Variants in MOB3B observed in about 807,000 individuals in gnomAD.
MOB3B encodes the protein MOB kinase activator 3B.
MOB3B carries 7 observed loss-of-function variants against 18.7 expected under a neutral mutation model. That is an observed-to-expected ratio of 0.37 (90% CI 0.21 to 0.70). MOB3B has a LOEUF of 0.70. Ranked by LOEUF, MOB3B falls within the 30% of genes least tolerant of loss-of-function variation. The probability of loss-of-function intolerance (pLI) is 0.52; values close to 1 mark genes in which losing one functional copy is unlikely to be tolerated. For missense variants in MOB3B, 253 were observed against 281.3 expected (o/e 0.90, Z 0.72); for synonymous variants, 111 against 99.9 (o/e 1.11, Z -0.66).
intron 2 of MOB3B, among the ~76,000 whole-genome samples, chr9:27,379,413 T>C (rs910173382): frequency 6.6e-6 from 1 of 152,094 alleles, no homozygotes; most frequent in African/African-American, 2.4e-5. Context: ...TATTCGATAA[T>C]TACTGAGGGT....
chr9:27,329,747 G>A lies in MOB3B; in HGVS notation c.*840C>T, dbSNP rs1248729873. ...CCCGCTGATCATTCTTAGTTATTTA[G>A]GACTTTTATTTCTCTCTTCTGGGAA... On this transcript the variant is annotated 3_prime_UTR_variant, in exon 4 of 4. Transcript: ENST00000262244. The A allele has an allele frequency of 6.6e-6, 1 of 152,588 alleles. No homozygotes were observed. The highest frequency in any genetic ancestry group is 1.9e-4 in the East Asian group (1 of 5,202). 9.5% of individuals were successfully genotyped at this position (152,588 alleles called of 1,614,324 possible).
intron 2 of MOB3B, among the ~76,000 whole-genome samples, chr9:27,371,612 A>T (rs914239001): frequency 6.6e-6 from 1 of 152,236 alleles, no homozygotes; most frequent in African/African-American, 2.4e-5. Flanking sequence ...AATATGTCTT[A>T]AACAAGATAT....
intron 1 of MOB3B, chr9:27,524,917 T>G: frequency 6.2e-7 from 1 of 1,607,704 alleles, no homozygotes; most frequent in Non-Finnish European, 8.5e-7. Flanking sequence ...AGAAGATGTT[T>G]GTATTACTTT....
chr9:27,426,081 A>G (rs568816419), intron 2 of MOB3B, among the ~76,000 whole-genome samples: 1 of 152,152 alleles, frequency 6.6e-6, no homozygotes, highest in Non-Finnish European at 1.5e-5. Flanking sequence ...ATATGGTTTC[A>G]TTTCATCCTC....
At chr9:27,442,941 A>C (rs1426875967) in intron 2 of MOB3B, among the ~76,000 whole-genome samples, 1 of 152,164 alleles carries the variant, frequency 6.6e-6, no homozygotes, top group Non-Finnish European at 1.5e-5. Flanking sequence ...CTGTGGGATA[A>C]GTGTTAGTAT....
chr9:27,346,743 C>T (rs906892336), intron 3 of MOB3B, among the ~76,000 whole-genome samples: 1 of 152,004 alleles, frequency 6.6e-6, no homozygotes, highest in Admixed American at 6.6e-5. Flanking sequence ...GCCTATAATC[C>T]CAGCACTTTG....
At chr9:27,409,659 C>T (rs551461259) in intron 2 of MOB3B, among the ~76,000 whole-genome samples, 1 of 151,906 alleles carries the variant, frequency 6.6e-6, no homozygotes, top group Non-Finnish European at 1.5e-5. Context: ...GCATTACTTA[C>T]AATAGCCAAA....
At chr9:27,489,026 AT>A (rs976996309) in intron 1 of MOB3B, among the ~76,000 whole-genome samples, 1 of 152,180 alleles carries the variant, frequency 6.6e-6, no homozygotes, top group African/African-American at 2.4e-5. Flanking sequence ...TCTAGCGGGG[AT>A]TTTAGATAAT....
chr9:27,514,914 G>A lies in MOB3B; in HGVS notation c.-199+14641C>T, dbSNP rs1403175069. Reference sequence around the variant, plus strand: ...TAACTCCTGTAAAGAAGTTACTAGGGTCTTCGCTCAGGACATCTCACGGTG... The same window carrying A: ...TAACTCCTGTAAAGAAGTTACTAGGATCTTCGCTCAGGACATCTCACGGTG... On this transcript the variant is annotated intron_variant, in intron 1 of 3. Coordinates refer to ENST00000262244, the MANE Select transcript of MOB3B (RefSeq NM_024761.5). Among the ~76,000 whole-genome samples, 7 of 152,166 alleles carry A rather than the reference G, an allele frequency of 4.6e-5. No homozygotes were observed. The South Asian group carries it at 1.0e-3, about 23-fold the overall frequency.
intron 1 of MOB3B, among the ~76,000 whole-genome samples, chr9:27,504,626 T>C (rs1820032867): frequency 6.6e-6 from 1 of 152,122 alleles, no homozygotes; most frequent in South Asian, 2.1e-4. Context: ...ATGGATGACC[T>C]CCTTGACTAT....
intron 3 of MOB3B, among the ~76,000 whole-genome samples, chr9:27,334,251 G>T (rs561171785): frequency 7.9e-5 from 12 of 152,282 alleles, no homozygotes; most frequent in Admixed American, 7.2e-4. Context: ...TTATCTTTGG[G>T]TGAATACAAT....
chr9:27,388,736 CT>C (rs1230204052), intron 2 of MOB3B, among the ~76,000 whole-genome samples: 1 of 152,078 alleles, frequency 6.6e-6, no homozygotes. Context: ...TTTCCTTTCC[CT>C]TCTAAGCATG....
At chr9:27,472,513 G>C (rs932784415) in intron 1 of MOB3B, among the ~76,000 whole-genome samples, 1 of 151,874 alleles carries the variant, frequency 6.6e-6, no homozygotes, top group Non-Finnish European at 1.5e-5. Context: ...CGTCTTGTTA[G>C]GTAAGCCTCC....
rs776960174 is a variant in MOB3B, at chr9:27,524,573, G to A, written c.-199+4982C>T. On this transcript the variant is annotated intron_variant, in intron 1 of 3. Transcript: ENST00000262244. Reference sequence around the variant, plus strand: ...AGTTTCTGCAATACACCCAACCTATGAAGAGGGACATCAAGAAGGCCTTCT... The same window carrying A: ...AGTTTCTGCAATACACCCAACCTATAAAGAGGGACATCAAGAAGGCCTTCT... 6 of 1,613,918 alleles carry A rather than the reference G, an allele frequency of 3.7e-6. No individual in the cohort carries two copies. In the African/African-American group the frequency reaches 4.0e-5, roughly 11 times the overall value.
At chr9:27,490,979 CTT>C (rs10602930) in intron 1 of MOB3B, among the ~76,000 whole-genome samples, 95,816 of 150,140 alleles carry the variant, frequency 0.64, 31,514 homozygotes, top group Non-Finnish European at 0.71. Context: ...ATCATACAGC[CTT>C]TTTTTTTTTT....
chr9:27,449,674 C>T (rs1322336566), intron 2 of MOB3B, among the ~76,000 whole-genome samples: 1 of 152,044 alleles, frequency 6.6e-6, no homozygotes, highest in Non-Finnish European at 1.5e-5. Context: ...GAGAGACATA[C>T]AATAGAAAAT....
chr9:27,493,730 C>G (rs1306038745), intron 1 of MOB3B, among the ~76,000 whole-genome samples: 2 of 152,148 alleles, frequency 1.3e-5, no homozygotes, highest in Non-Finnish European at 2.9e-5. Flanking sequence ...TCTCTTAATC[C>G]TGTCAGCCGA....
chr9:27,335,442 G>C (rs1421827536), intron 3 of MOB3B, among the ~76,000 whole-genome samples: 1 of 152,318 alleles, frequency 6.6e-6, no homozygotes, highest in East Asian at 1.9e-4. Flanking sequence ...GAGGCAATTT[G>C]TGTACACAGG....
At chr9:27,501,727 A>G (rs1664120152) in intron 1 of MOB3B, among the ~76,000 whole-genome samples, 1 of 149,432 alleles carries the variant, frequency 6.7e-6, no homozygotes, top group Non-Finnish European at 1.5e-5. Flanking sequence ...AGATCGCCCC[A>G]CTGCACCGTA....
Sources: allele counts gnomAD v4.1 joint callset (sites outside exome capture counted in the v4.1 genomes callset), GRCh38; gene constraint gnomAD v4.1.1; transcripts MANE v1.5; gene names NCBI Gene and HGNC (gene_info 2026-07-23, HGNC 2026-07-21).